Variants in GMPS observed in about 807,000 individuals in gnomAD.
GMPS encodes GMP synthase [glutamine-hydrolyzing].
In GMPS, 15 loss-of-function variants were observed where a neutral mutation model predicts 77.9. The observed-to-expected ratio is 0.19, with a 90% CI of 0.13 to 0.30. The LOEUF (loss-of-function observed/expected upper bound fraction) is 0.30. Ranked by LOEUF, GMPS falls within the 10% of genes least tolerant of loss-of-function variation. The pLI, the probability that GMPS is intolerant of heterozygous loss-of-function variation, is 1.00. For missense variants in GMPS, 590 were observed against 838.8 expected (o/e 0.70, Z 3.66); for synonymous variants, 224 against 275.9 (o/e 0.81, Z 1.86).
chr3:155,883,992 C>T (rs570385724), intron 1 of GMPS, among the ~76,000 whole-genome samples: 127 of 152,038 alleles, frequency 8.4e-4, no homozygotes, highest in African/African-American at 2.8e-3. Flanking sequence ...AACCTTGTTC[C>T]TCAGTTGGCT....
intron 1 of GMPS, among the ~76,000 whole-genome samples, chr3:155,889,786 ATATCT>A (rs1335106946): frequency 6.6e-6 from 1 of 152,062 alleles, no homozygotes; most frequent in African/African-American, 2.4e-5. Flanking sequence ...TTTTTTCTTG[ATATCT>A]TAAAATATAT....
intron 3 of GMPS, among the ~76,000 whole-genome samples, chr3:155,902,183 A>G (rs1010272227): frequency 2.6e-5 from 4 of 152,192 alleles, no homozygotes; most frequent in African/African-American, 9.6e-5. Context: ...ACCTGAAGAC[A>G]TGGAGGAGAG....
chr3:155,907,964 A>G (rs1754933855), intron 5 of GMPS, among the ~76,000 whole-genome samples: 1 of 152,144 alleles, frequency 6.6e-6, no homozygotes. Flanking sequence ...GTGAAATTAG[A>G]GAGGTAGTTG....
intron 2 of GMPS, 89 bp downstream of exon 2, chr3:155,893,788 T>C: frequency 1.4e-6 from 1 of 695,538 alleles, no homozygotes; most frequent in African/African-American, 1.9e-5. Flanking sequence ...TGAATTTTTC[T>C]ACGAAAATAA....
chr3:155,942,134 C>G lies in GMPS; in HGVS notation c.*4442C>G, dbSNP rs1038018029. Reference sequence around the variant, plus strand: ...TTTAAGACAGAGTCTCGCTCTGTCCCCAAGTGCAGTGGCACAATCTCGGCT... The same window carrying G: ...TTTAAGACAGAGTCTCGCTCTGTCCGCAAGTGCAGTGGCACAATCTCGGCT... On this transcript the variant is annotated 3_prime_UTR_variant, in exon 16 of 16. Transcript: ENST00000496455. The G allele has an allele frequency of 1.0e-3, 189 of 188,492 alleles. 4 individuals carry two copies. The highest frequency in any genetic ancestry group is 3.6e-3 in the Middle Eastern group (2 of 550). 11.7% of individuals were successfully genotyped at this position (188,492 alleles called of 1,614,324 possible).
chr3:155,921,520 A>T (rs1288261219), intron 10 of GMPS, among the ~76,000 whole-genome samples: 1 of 152,102 alleles, frequency 6.6e-6, no homozygotes, highest in African/African-American at 2.4e-5. Flanking sequence ...GACTGTAAAA[A>T]TAGGATAGGC....
chr3:155,930,722 A>C (rs1755592891), intron 12 of GMPS, among the ~76,000 whole-genome samples: 1 of 152,268 alleles, frequency 6.6e-6, no homozygotes, highest in Non-Finnish European at 1.5e-5. Context: ...ACACGTTGAT[A>C]AGTAAATGTT....
At position 155,938,040 on chromosome 3, in the gene GMPS, C is replaced by T; in HGVS notation, c.*348C>T. 1 of 251,746 alleles carries T rather than the reference C, an allele frequency of 4.0e-6. No homozygotes were observed. The allele number at this position is 251,746 out of a possible 1,614,324, so 15.6% of individuals were successfully genotyped here. A position where few individuals can be genotyped will look rare whatever the true frequency, so the allele number is the denominator to read the frequency against. On this transcript the variant is annotated 3_prime_UTR_variant, in exon 16 of 16. Coordinates refer to ENST00000496455, the MANE Select transcript of GMPS (RefSeq NM_003875.3). ...GTAATTATGGGCTTCTGTCTCCTTA[C>T]CAGTTTCTAAGAACTGTTAGAAACG...
At chr3:155,891,018 A>G (rs1327071563) in intron 1 of GMPS, among the ~76,000 whole-genome samples, 1 of 152,228 alleles carries the variant, frequency 6.6e-6, no homozygotes, top group East Asian at 1.9e-4. Flanking sequence ...CACCAATAGA[A>G]TGAAAGAAGG....
In GMPS at chr3:155,910,784, C is replaced by G; in HGVS notation, c.619C>G (p.Leu207Val). ...TGGAAAAGTAATACTGAAGAATTTC[C>G]TTTATGATATAGCTGGATGCAGTGG... ...ENGKVILKNFLYDIAGCSGTF... is the reference protein window; with the variant it reads ...ENGKVILKNFVYDIAGCSGTF... The change falls in exon 6 of 16, where the codon CTT becomes GTT. Residue 207 changes from leucine to valine, a missense_variant. Leu to Val is a conservative substitution (Grantham distance 32). This residue lies in a region of GMPS where 136 missense variants were observed against 225.6 expected (regional missense o/e 0.60). Coordinates refer to ENST00000496455, the MANE Select transcript of GMPS (RefSeq NM_003875.3). The G allele has an allele frequency of 6.2e-7, 1 of 1,611,324 alleles. No individual in the cohort carries two copies. Among genetic ancestry groups the G allele is most frequent in the Non-Finnish European group, 8.5e-7 (1 of 1,177,816 alleles).
Position 155,941,822 on chromosome 3 carries a change from C to T in GMPS, c.*4130C>T, listed in dbSNP as rs1755899140. 4.6e-6 allele frequency: 1 copy of T among 215,406 alleles called. No homozygotes were observed. The highest frequency in any genetic ancestry group is 9.3e-6 in the Non-Finnish European group (1 of 107,000). 13.3% of individuals were successfully genotyped at this position (215,406 alleles called of 1,614,324 possible). On this transcript the variant is annotated 3_prime_UTR_variant, in exon 16 of 16. Coordinates refer to ENST00000496455, the MANE Select transcript of GMPS (RefSeq NM_003875.3). ...AGGACTTTGACAGCAGTAATGGTGGCATTGTTGACTCTTAAATTTCTGAAC... is the reference window on the plus strand; with the variant it reads ...AGGACTTTGACAGCAGTAATGGTGGTATTGTTGACTCTTAAATTTCTGAAC...
intron 1 of GMPS, among the ~76,000 whole-genome samples, chr3:155,875,314 T>C (rs976756436): frequency 6.6e-6 from 1 of 152,160 alleles, no homozygotes; most frequent in Admixed American, 6.5e-5. Flanking sequence ...CATTGCAACC[T>C]CCGCCTCCCA....
At chr3:155,928,400 C>G (rs1755511444) in intron 12 of GMPS, among the ~76,000 whole-genome samples, 1 of 152,092 alleles carries the variant, frequency 6.6e-6, no homozygotes, top group Non-Finnish European at 1.5e-5. Flanking sequence ...TAGTACCTGC[C>G]ACTTTGGGCA....
At chr3:155,920,668 A>T (rs1755298286) in intron 10 of GMPS, among the ~76,000 whole-genome samples, 1 of 151,886 alleles carries the variant, frequency 6.6e-6, no homozygotes, top group Admixed American at 6.6e-5. Context: ...TCATTATTTC[A>T]TCTAGACTCA....
intron 12 of GMPS, among the ~76,000 whole-genome samples, chr3:155,928,478 A>G (rs989390000): frequency 3.9e-5 from 6 of 152,326 alleles, no homozygotes; most frequent in African/African-American, 1.4e-4. Flanking sequence ...TACTTGGATT[A>G]AACAGGACAC....
At position 155,914,373 on chromosome 3, in the gene GMPS, A is replaced by G. The variant is rs534870926; in HGVS notation, c.887-46A>G. 6.6e-6 allele frequency: 9 copies of G among 1,370,236 alleles called. No individual in the cohort carries two copies. The East Asian group carries it at 1.9e-4, about 28-fold the overall frequency. The allele number at this position is 1,370,236 out of a possible 1,614,324, so 84.9% of individuals were successfully genotyped here. A position where few individuals can be genotyped will look rare whatever the true frequency, so the allele number is the denominator to read the frequency against. ...TATTTTGACTTGTTATTTTTGATTA[A>G]AAAACATGTTATACCAATTTAAAAC... On this transcript the variant is annotated intron_variant, in intron 7 of 15. Transcript: ENST00000496455.
At chr3:155,931,321 G>T (rs750704404) in intron 12 of GMPS, among the ~76,000 whole-genome samples, 4 of 151,888 alleles carry the variant, frequency 2.6e-5, no homozygotes, top group Non-Finnish European at 5.9e-5. Flanking sequence ...GAGTAGCTGG[G>T]ACTACAGGTT....
At position 155,937,970 on chromosome 3, in the gene GMPS, T is replaced by C. The variant is rs1755800873; in HGVS notation, c.*278T>C. 1 of 326,536 alleles carries C rather than the reference T, an allele frequency of 3.1e-6. No individual in the cohort carries two copies. The highest frequency in any genetic ancestry group is 2.1e-5 in the African/African-American group (1 of 47,848). The allele number at this position is 326,536 out of a possible 1,614,324, so 20.2% of individuals were successfully genotyped here. On this transcript the variant is annotated 3_prime_UTR_variant, in exon 16 of 16. Transcript: ENST00000496455. ...ACTTATTCTTTATGTATAAATTCAC[T>C]GTTGATGTCTCTGTGAATATGTATG... is the stretch of plus-strand genomic sequence containing the variant.
At chr3:155,906,538 A>G (rs1236646597) in intron 5 of GMPS, among the ~76,000 whole-genome samples, 2 of 152,212 alleles carry the variant, frequency 1.3e-5, no homozygotes, top group East Asian at 1.9e-4. Context: ...AACATAAAAC[A>G]CTATACTTTT....
Sources: allele counts gnomAD v4.1 joint callset (sites outside exome capture counted in the v4.1 genomes callset), GRCh38; gene constraint gnomAD v4.1.1; regional missense constraint gnomAD v4.1.1; transcripts MANE v1.5; gene names NCBI Gene and HGNC (gene_info 2026-07-23, HGNC 2026-07-21).